Variants in PDE1C observed in about 807,000 individuals in gnomAD.
The protein encoded by PDE1C is phosphodiesterase 1C.
In PDE1C, 62 loss-of-function variants were observed where a neutral mutation model predicts 93.1. The observed-to-expected ratio is 0.67, with a 90% CI of 0.54 to 0.82. The LOEUF is 0.82. Ranked by LOEUF, PDE1C falls within the 40% of genes least tolerant of loss-of-function variation. The probability of loss-of-function intolerance (pLI) is 0.00; values close to 1 mark genes in which losing one functional copy is unlikely to be tolerated. For missense variants in PDE1C, 742 were observed against 884.6 expected, an observed-to-expected ratio of 0.84 and a Z score of 2.04; for synonymous variants, 325 against 310.1, an observed-to-expected ratio of 1.05 and a Z score of -0.50.
At position 32,305,913 on chromosome 7, in the gene PDE1C, A is replaced by G. The variant is rs181311311; in HGVS notation, c.311-96374T>C. On this transcript the variant is annotated intron_variant, in intron 1 of 1. Transcript: ENST00000672256. ...GGTCAGGCATTTATATGATTTGGCT[A>G]TGTCTCCACCCAAATCTCATCTTGA... Among the ~76,000 whole-genome samples the G allele has an allele frequency of 9.2e-4, 140 of 152,284 alleles. 1 individual carries two copies. Among genetic ancestry groups the G allele is most frequent in the African/African-American group, 3.3e-3 (137 of 41,552 alleles).
chr7:31,769,407 A>G (rs1345956793), intron 17 of PDE1C, among the ~76,000 whole-genome samples: 2 of 152,106 alleles, frequency 1.3e-5, no homozygotes, highest in Admixed American at 6.6e-5. Flanking sequence ...TTAGGTATGA[A>G]TTTGTTTTTG....
At chr7:31,776,600 G>A (rs888395512) in intron 16 of PDE1C, among the ~76,000 whole-genome samples, 5 of 152,156 alleles carry the variant, frequency 3.3e-5, no homozygotes, top group Admixed American at 6.5e-5. Flanking sequence ...GGGTGTGTAC[G>A]TATATACATA....
intron 17 of PDE1C, among the ~76,000 whole-genome samples, chr7:31,755,899 C>A (rs889338091): frequency 6.6e-6 from 1 of 152,184 alleles, no homozygotes; most frequent in Admixed American, 6.5e-5. Context: ...GGCACGGTGG[C>A]TCATGCCTGT....
chr7:32,300,607 A>T (rs1205299726), upstream of PDE1C, among the ~76,000 whole-genome samples: 1 of 152,092 alleles, frequency 6.6e-6, no homozygotes, highest in Non-Finnish European at 1.5e-5. Context: ...GACAATAAGG[A>T]TTAAGTAGGA....
At chr7:32,206,616 C>G (rs563954925) in intron 2 of PDE1C, among the ~76,000 whole-genome samples, 2 of 152,312 alleles carry the variant, frequency 1.3e-5, no homozygotes, top group South Asian at 4.1e-4. Flanking sequence ...AGCTGTTCCC[C>G]ACACTGCCCT....
chr7:32,117,379 G>T (rs1799041576), intron 3 of PDE1C, among the ~76,000 whole-genome samples: 1 of 152,168 alleles, frequency 6.6e-6, no homozygotes, highest in Non-Finnish European at 1.5e-5. Flanking sequence ...GATTCCTTCT[G>T]GGCCTCAGGG....
At chr7:32,130,063 C>T (rs552987076) in intron 3 of PDE1C, among the ~76,000 whole-genome samples, 2 of 152,214 alleles carry the variant, frequency 1.3e-5, no homozygotes, top group Admixed American at 6.5e-5. Context: ...ACCAAGCTAA[C>T]TCCTTACTTT....
chr7:31,964,480 C>G (rs1026411198), intron 2 of PDE1C, among the ~76,000 whole-genome samples: 50 of 152,354 alleles, frequency 3.3e-4, no homozygotes, highest in African/African-American at 1.1e-3. Context: ...GGGTGGAGAC[C>G]ACCACAGCTC....
chr7:32,155,790 G>A lies in PDE1C; in HGVS notation c.308+13995C>T, dbSNP rs187847409. Among the ~76,000 whole-genome samples the A allele has an allele frequency of 2.0e-5, 3 of 152,338 alleles. No homozygotes were observed. In the East Asian group the frequency reaches 5.8e-4, roughly 29 times the overall value. On this transcript the variant is annotated intron_variant, in intron 3 of 18. Transcript: ENST00000396193. ...GAAGAAACTGAGGCTCAGCTTAAAT[G>A]GTGTGCTCAAGGTCAGACAGCAGGC...
chr7:31,629,531 AT>A, the PDE1C span, among the ~76,000 whole-genome samples: 1 of 152,180 alleles, frequency 6.6e-6, no homozygotes, highest in East Asian at 1.9e-4. Flanking sequence ...TTTTTCAACA[AT>A]TTTTAAGGTA....
At chr7:31,636,724 T>A in the PDE1C span, among the ~76,000 whole-genome samples, 1 of 151,062 alleles carries the variant, frequency 6.6e-6, no homozygotes, top group Non-Finnish European at 1.5e-5. Flanking sequence ...TCTTTTTTTT[T>A]TAAAAATTTT....
intron 2 of PDE1C, among the ~76,000 whole-genome samples, chr7:32,205,999 A>C (rs1349104606): frequency 6.6e-6 from 1 of 152,166 alleles, no homozygotes; most frequent in East Asian, 1.9e-4. Context: ...GAGACCAAGA[A>C]CCCACCAGAA....
chr7:32,119,947 C>T (rs995549189), intron 3 of PDE1C, among the ~76,000 whole-genome samples: 3 of 152,210 alleles, frequency 2.0e-5, no homozygotes, highest in Non-Finnish European at 4.4e-5. Context: ...GGGAGAGGGG[C>T]CACAGCCAGC....
chr7:31,720,031 C>T, the PDE1C span, among the ~76,000 whole-genome samples: 7 of 151,004 alleles, frequency 4.6e-5, no homozygotes, highest in African/African-American at 7.4e-5. Context: ...GGCGCGGTGG[C>T]GGGCGCCTGT....
At chr7:31,943,766 C>G (rs181297673) in intron 2 of PDE1C, among the ~76,000 whole-genome samples, 1 of 152,144 alleles carries the variant, frequency 6.6e-6, no homozygotes, top group Non-Finnish European at 1.5e-5. Context: ...TTATTGGATT[C>G]AGATCAGAAT....
chr7:32,151,025 A>G (rs1801219959), intron 3 of PDE1C, among the ~76,000 whole-genome samples: 1 of 152,236 alleles, frequency 6.6e-6, no homozygotes, highest in Admixed American at 6.5e-5. Context: ...ATGTTTTCCC[A>G]GATGAGGTCC....
chr7:32,010,010 G>A (rs889229943), intron 2 of PDE1C, among the ~76,000 whole-genome samples: 4 of 152,092 alleles, frequency 2.6e-5, no homozygotes, highest in Admixed American at 6.5e-5. Context: ...ACAAAACATC[G>A]CTGAAACTAA....
At chr7:32,184,405 G>T (rs1201956808) in intron 2 of PDE1C, among the ~76,000 whole-genome samples, 1 of 152,150 alleles carries the variant, frequency 6.6e-6, no homozygotes, top group Non-Finnish European at 1.5e-5. Context: ...CAACCCAAAT[G>T]TCCAACAATG....
At chr7:32,287,462 C>T (rs1812066494) in intron 1 of PDE1C, among the ~76,000 whole-genome samples, 1 of 152,246 alleles carries the variant, frequency 6.6e-6, no homozygotes, top group African/African-American at 2.4e-5. Context: ...GACCACAGCA[C>T]CCTGGCCTTG....
Sources: allele counts gnomAD v4.1 joint callset (sites outside exome capture counted in the v4.1 genomes callset), GRCh38; gene constraint gnomAD v4.1.1; transcripts MANE v1.5; gene names NCBI Gene and HGNC (gene_info 2026-07-23, HGNC 2026-07-21).